Variants in CEBPZ observed in about 807,000 individuals in gnomAD.
The protein encoded by CEBPZ is CCAAT enhancer binding protein zeta.
CEBPZ carries 78 observed loss-of-function variants against 104.5 expected under a neutral mutation model. The ratio of observed to expected loss-of-function variants is 0.75; its 90% CI spans 0.62 to 0.90. The LOEUF is 0.90. Among genes scored for constraint, CEBPZ ranks in the 40% least tolerant of loss-of-function variants. The pLI, the probability that CEBPZ is intolerant of heterozygous loss-of-function variation, is 0.00. For missense variants in CEBPZ, 1,439 were observed against 1,233.5 expected (o/e 1.17, Z -2.50); for synonymous variants, 470 against 427.0 (o/e 1.10, Z -1.24).
chr2:37,216,843 A>C (rs1461824003), intron 6 of CEBPZ, 141 bp downstream of exon 6: 23 of 708,178 alleles, frequency 3.2e-5, no homozygotes, highest in Non-Finnish European at 4.7e-5. Context: ...CTCTGTATGA[A>C]ACAAGTCACT....
intron 6 of CEBPZ, among the ~76,000 whole-genome samples, chr2:37,216,777 G>C (rs1677879028): frequency 1.3e-5 from 2 of 152,150 alleles, no homozygotes; most frequent in Non-Finnish European, 2.9e-5. Context: ...ATAACTGCGT[G>C]GCTTTCAATG....
intron 2 of CEBPZ, 86 bp from the exon 3 acceptor site, chr2:37,223,487 C>T: frequency 8.8e-7 from 1 of 1,142,068 alleles, no homozygotes; most frequent in Non-Finnish European, 1.3e-6. Context: ...CTACTAACCT[C>T]ATCTTAGTTA....
intron 5 of CEBPZ, among the ~76,000 whole-genome samples, chr2:37,219,685 A>G (rs1438346533): frequency 6.6e-6 from 1 of 152,226 alleles, no homozygotes; most frequent in South Asian, 2.1e-4. Flanking sequence ...CTTTACACAA[A>G]AAGTCACAGA....
intron 8 of CEBPZ, 91 bp downstream of exon 8, chr2:37,216,049 T>C (rs760824009): frequency 1.0e-6 from 1 of 984,936 alleles, no homozygotes; most frequent in Non-Finnish European, 1.5e-6. Flanking sequence ...TCAGGTTTTA[T>C]TCTGATAAAT....
intron 10 of CEBPZ, among the ~76,000 whole-genome samples, chr2:37,213,275 A>T (rs1469908877): frequency 6.6e-6 from 1 of 152,244 alleles, no homozygotes; most frequent in African/African-American, 2.4e-5. Context: ...TTTCTTTTTC[A>T]CATGAGATTT....
At chr2:37,226,276 C>T (rs1046935793) in intron 2 of CEBPZ, among the ~76,000 whole-genome samples, 3 of 152,144 alleles carry the variant, frequency 2.0e-5, no homozygotes, top group Non-Finnish European at 4.4e-5. Flanking sequence ...AGGGGCAACC[C>T]ACCCCTACAT....
intron 5 of CEBPZ, among the ~76,000 whole-genome samples, chr2:37,217,620 C>T (rs186842655): frequency 1.1e-4 from 17 of 152,072 alleles, no homozygotes; most frequent in Admixed American, 4.6e-4. Flanking sequence ...AACAATAAAG[C>T]GGCCAGGCGC....
chr2:37,222,324 C>G, intron 4 of CEBPZ, 56 bp downstream of exon 4: 1 of 1,339,484 alleles, frequency 7.5e-7, no homozygotes, highest in Admixed American at 2.5e-5. Flanking sequence ...ATGCTATTTT[C>G]TATGAAAATC....
In CEBPZ at chr2:37,231,427, C is replaced by A; in HGVS notation, c.141G>T (p.Arg47=). The change falls in exon 1 of 16, where the codon CGG becomes CGT. Residue 47 remains arginine, a synonymous_variant. Coordinates refer to ENST00000234170, the MANE Select transcript of CEBPZ (RefSeq NM_005760.3). Reference sequence around the variant, plus strand: ...CGGCCGTTACCTTGGTGCCTCCGAGCCGTAACACTTCCTCCAGGGAGAACC... The same window carrying A: ...CGGCCGTTACCTTGGTGCCTCCGAGACGTAACACTTCCTCCAGGGAGAACC... The part of the protein sequence containing the change: ...ENGFSLEEVL[R]LGGTKQDYLM... The A allele has an allele frequency of 6.2e-7, 1 of 1,614,154 alleles. No individual in the cohort carries two copies.
intron 10 of CEBPZ, among the ~76,000 whole-genome samples, chr2:37,212,868 A>AAC (rs1171138327): frequency 1.2e-4 from 12 of 99,878 alleles, no homozygotes; most frequent in Admixed American, 4.2e-4. Context: ...CAACAACAAC[A>AAC]AAAAAAAAAA....
Position 37,227,833 on chromosome 2 carries a change from C to A in CEBPZ, c.1360G>T (p.Glu454Ter). Residue 454 changes from glutamate (E) to a stop codon, truncating the protein, a stop_gained, in exon 2 of 16, where the codon GAA (glutamate) becomes TAA (stop). Coordinates refer to ENST00000234170, the MANE Select transcript of CEBPZ (RefSeq NM_005760.3). LOFTEE classifies it high-confidence loss of function. ...FLNQMALSHE[E>*]SELANKLITV... ...ATTAATTTGTTAGCCAATTCACTTT[C>A]TTCATGGGACAGAGCCATTTGATTT... The A allele has an allele frequency of 1.2e-6, 2 of 1,614,102 alleles. No individual in the cohort carries two copies. The highest frequency in any genetic ancestry group is 1.7e-6 in the Non-Finnish European group (2 of 1,180,044).
chr2:37,217,914 C>CA (rs780585616), intron 5 of CEBPZ, among the ~76,000 whole-genome samples: 2 of 123,700 alleles, frequency 1.6e-5, no homozygotes, highest in South Asian at 5.3e-4. Context: ...AAAAAAAAAA[C>CA]AAAAAACAAA....
In CEBPZ at chr2:37,228,310, T is replaced by C; in HGVS notation, c.883A>G (p.Thr295Ala). ...TTCCGATTGTCTGGCAAAAGGTCTG[T>C]GATAAGCAACTCTTTGAAAGTATCC... ...ALDTFKELLI[T>A]DLLPDNRKLR... The change falls in exon 2 of 16, where the codon ACA (threonine) becomes GCA (alanine). Residue 295 changes from threonine to alanine, a missense_variant. By Grantham distance (58) the Thr-to-Ala change is moderately conservative (BLOSUM62 0). Coordinates refer to ENST00000234170, the MANE Select transcript of CEBPZ (RefSeq NM_005760.3). 8.7e-6 allele frequency: 14 copies of C among 1,614,212 alleles called. No homozygotes were observed. Among genetic ancestry groups the C allele is most frequent in the South Asian group, 1.1e-5 (1 of 91,076 alleles).
intron 6 of CEBPZ, 47 bp downstream of exon 6, chr2:37,216,937 G>GT: frequency 7.0e-7 from 1 of 1,433,008 alleles, no homozygotes; most frequent in Non-Finnish European, 9.8e-7. Context: ...TATCTAAAAT[G>GT]ATACTTTTTT....
In CEBPZ at chr2:37,214,891, G is replaced by T; in HGVS notation, c.2442C>A (p.Phe814Leu). 2 of 1,605,132 alleles carry T rather than the reference G, an allele frequency of 1.2e-6. No homozygotes were observed. Among genetic ancestry groups the T allele is most frequent in the Non-Finnish European group, 1.7e-6 (2 of 1,172,250 alleles). The change falls in exon 9 of 16, where the codon TTC becomes TTA. Residue 814 changes from phenylalanine to leucine, a missense_variant. Transcript: ENST00000234170. Reference protein sequence around the residue: ...ESQIPVDEVFFHRYYKKVAVK... With the variant: ...ESQIPVDEVFLHRYYKKVAVK... ...AACTATATTATGTATAGTACCTGTG[G>T]AAAAACACTTCATCCACTGGTATTT...
chr2:37,229,611 T>C (rs1445343449), intron 1 of CEBPZ, among the ~76,000 whole-genome samples: 1 of 152,188 alleles, frequency 6.6e-6, no homozygotes, highest in East Asian at 1.9e-4. Flanking sequence ...GATGTGAGTG[T>C]AAACTGACAC....
intron 4 of CEBPZ, among the ~76,000 whole-genome samples, chr2:37,221,144 T>C (rs1381359666): frequency 6.6e-6 from 1 of 151,818 alleles, no homozygotes; most frequent in Non-Finnish European, 1.5e-5. Context: ...CAGAGTGGGA[T>C]TTCGTCTCTA....
chr2:37,202,913 G>T, intron 14 of CEBPZ, 37 bp downstream of exon 14: 1 of 1,592,420 alleles, frequency 6.3e-7, no homozygotes, highest in South Asian at 1.1e-5. Context: ...AAATAATGTA[G>T]AATAGCTAGC....
At chr2:37,231,261 T>G (rs780169438) in intron 1 of CEBPZ, 151 bp downstream of exon 1, 32 of 1,021,688 alleles carry the variant, frequency 3.1e-5, no homozygotes, top group Admixed American at 5.8e-5. Context: ...GAAACCGGCG[T>G]GGGAAGCGCA....
Sources: gnomAD v4.1 joint callset for allele counts (sites outside exome capture counted in the v4.1 genomes callset) on GRCh38, gnomAD v4.1.1 for gene constraint, MANE v1.5 for transcripts, NCBI Gene and HGNC (gene_info 2026-07-23, HGNC 2026-07-21) for gene names.